PRKAG2: variants seen among roughly 807,000 people sequenced by gnomAD.
PRKAG2 encodes 5'-AMP-activated protein kinase subunit gamma-2.
Under a neutral mutation model 69.6 loss-of-function variants are expected in PRKAG2, and 26 were observed. The ratio of observed to expected loss-of-function variants is 0.37; its 90% CI spans 0.27 to 0.52. The LOEUF (loss-of-function observed/expected upper bound fraction) is 0.52, where lower values mean the gene tolerates loss of function less well. Among genes scored for constraint, PRKAG2 ranks in the 20% least tolerant of loss-of-function variants. PRKAG2 has a pLI of 0.90. For synonymous variants in PRKAG2, 293 were observed against 285.0 expected, an observed-to-expected ratio of 1.03 and a Z score of -0.28; for missense variants, 557 against 740.0, an observed-to-expected ratio of 0.75 and a Z score of 2.87.
At chr7:151,652,697 A>G (rs1392531291) in intron 4 of PRKAG2, among the ~76,000 whole-genome samples, 1 of 152,070 alleles carries the variant, frequency 6.6e-6, no homozygotes, top group Non-Finnish European at 1.5e-5. Context: ...GTACAATGGC[A>G]TGATCGGGCT....
At chr7:151,560,095 G>C (rs1340815225) in intron 15 of PRKAG2, 2 of 984,442 alleles carry the variant, frequency 2.0e-6, no homozygotes, top group African/African-American at 3.5e-5. Flanking sequence ...TTTGTGTTTA[G>C]GTATTCTGTT....
intron 3 of PRKAG2, among the ~76,000 whole-genome samples, chr7:151,747,761 C>T (rs2074384578): frequency 6.6e-6 from 1 of 152,132 alleles, no homozygotes; most frequent in African/African-American, 2.4e-5. Flanking sequence ...CATTCTACCA[C>T]TTGATTGTTC....
intron 1 of PRKAG2, among the ~76,000 whole-genome samples, chr7:151,816,955 T>C (rs1291307907): frequency 6.6e-6 from 1 of 151,894 alleles, no homozygotes; most frequent in Non-Finnish European, 1.5e-5. Context: ...CGTTTGAGAG[T>C]GACTTATGGG....
intron 3 of PRKAG2, among the ~76,000 whole-genome samples, chr7:151,698,279 A>G (rs1837034550): frequency 6.6e-6 from 1 of 152,184 alleles, no homozygotes; most frequent in Non-Finnish European, 1.5e-5. Context: ...GTGAGGCCTC[A>G]GCTGTCCCCA....
At chr7:151,616,357 C>A (rs1272488302) in intron 5 of PRKAG2, among the ~76,000 whole-genome samples, 1 of 148,398 alleles carries the variant, frequency 6.7e-6, no homozygotes, top group African/African-American at 2.6e-5. Flanking sequence ...TTAAACCCCT[C>A]TCTCTTTTAT....
chr7:151,867,740 G>C lies in PRKAG2; in HGVS notation c.114+8767C>G, dbSNP rs933115783. Among the ~76,000 whole-genome samples the C allele has an allele frequency of 6.6e-5, 10 of 152,324 alleles. No homozygotes were observed. The East Asian group carries it at 1.9e-3, about 29-fold the overall frequency. Reference sequence around the variant, plus strand: ...CAGCCCAGTCCCTGGAAAGCACACAGAAACGAGTTGACTGGTTTCTGGTCC... The same window carrying C: ...CAGCCCAGTCCCTGGAAAGCACACACAAACGAGTTGACTGGTTTCTGGTCC... On this transcript the variant is annotated intron_variant, in intron 1 of 15. Coordinates refer to ENST00000287878, the MANE Select transcript of PRKAG2 (RefSeq NM_016203.4).
At chr7:151,715,049 C>A (rs143797013) in intron 3 of PRKAG2, among the ~76,000 whole-genome samples, 1 of 145,736 alleles carries the variant, frequency 6.9e-6, no homozygotes, top group South Asian at 2.1e-4. Flanking sequence ...GAGTTTCGCT[C>A]TTGTTGCCCA....
chr7:151,832,386 C>T (rs1048393907), intron 1 of PRKAG2, among the ~76,000 whole-genome samples: 2 of 152,134 alleles, frequency 1.3e-5, no homozygotes, highest in Non-Finnish European at 2.9e-5. Flanking sequence ...GAAGCTCCGA[C>T]TTCTGGGCAG....
Position 151,807,661 on chromosome 7 carries a change from C to T in PRKAG2, c.115-21120G>A, listed in dbSNP as rs1247802784. 2 of 454,734 alleles carry T rather than the reference C, an allele frequency of 4.4e-6. No homozygotes were observed. The highest frequency in any genetic ancestry group is 2.4e-5 in the Admixed American group (1 of 42,490). The allele number at this position is 454,734 out of a possible 1,614,324, so 28.2% of individuals were successfully genotyped here. ...GTAAGTCCCAGCAGGGTGCGATGTC[C>T]CAAACCTACACAACCGTTTCCACTG... On this transcript the variant is annotated intron_variant, in intron 1 of 15. Transcript: ENST00000287878. The surrounding 1 kb of genome is among the most constrained non-coding windows in gnomAD (Gnocchi z 4.4).
chr7:151,605,224 C>G (rs1170065663), intron 5 of PRKAG2, among the ~76,000 whole-genome samples: 1 of 150,614 alleles, frequency 6.6e-6, no homozygotes, highest in Non-Finnish European at 1.5e-5. Flanking sequence ...ACCATGTTGG[C>G]CAGGCTGGTC....
chr7:151,610,731 T>C (rs1222853366), intron 5 of PRKAG2, among the ~76,000 whole-genome samples: 1 of 101,598 alleles, frequency 9.8e-6, no homozygotes, highest in South Asian at 4.5e-4. Flanking sequence ...ATAAATATTT[T>C]TTCTTTTCTT....
intron 3 of PRKAG2, among the ~76,000 whole-genome samples, chr7:151,730,672 G>A (rs1206861403): frequency 1.3e-5 from 2 of 151,982 alleles, no homozygotes; most frequent in African/African-American, 2.4e-5. Context: ...GAGCAGGGGG[G>A]CTGGATGGGG....
At chr7:151,644,015 T>C (rs1326716053) in intron 4 of PRKAG2, among the ~76,000 whole-genome samples, 1 of 152,172 alleles carries the variant, frequency 6.6e-6, no homozygotes. Context: ...CTCACTGATA[T>C]GTGGGAGCTA....
intron 1 of PRKAG2, among the ~76,000 whole-genome samples, chr7:151,871,924 G>A (rs901559618): frequency 6.6e-6 from 1 of 152,182 alleles, no homozygotes; most frequent in Non-Finnish European, 1.5e-5. Context: ...GGTCCGAGGA[G>A]GCCACCAAAT....
chr7:151,675,764 C>G lies in PRKAG2; in HGVS notation c.467-127G>C, dbSNP rs764160655. 143 of 904,214 alleles carry G rather than the reference C, an allele frequency of 1.6e-4. No individual in the cohort carries two copies. In the African/African-American group the frequency reaches 2.1e-3, roughly 13 times the overall value. The allele number at this position is 904,214 out of a possible 1,614,324, so 56.0% of individuals were successfully genotyped here. A position where few individuals can be genotyped will look rare whatever the true frequency, so the allele number is the denominator to read the frequency against. On this transcript the variant is annotated intron_variant, in intron 3 of 15. Transcript: ENST00000287878. ...CAGAGGTCCGGCCTCCAGGAAGGGA[C>G]GTCGGGGGCAGTCAGAGGTCCGGCC... is the stretch of plus-strand genomic sequence containing the variant.
intron 4 of PRKAG2, among the ~76,000 whole-genome samples, chr7:151,665,537 C>T (rs1830920248): frequency 6.6e-6 from 1 of 152,160 alleles, no homozygotes. Context: ...ACACACTCTG[C>T]CTGTCTCTTC....
chr7:151,765,267 C>T (rs959466816), intron 3 of PRKAG2, among the ~76,000 whole-genome samples: 15 of 152,166 alleles, frequency 9.9e-5, no homozygotes, highest in African/African-American at 3.4e-4. Context: ...GAAGCAGGCA[C>T]GTCTTACATG....
chr7:151,575,404 C>T (rs17715595), intron 7 of PRKAG2, among the ~76,000 whole-genome samples: 27,843 of 152,038 alleles, frequency 0.18, 2,838 homozygotes, highest in African/African-American at 0.26. Context: ...TGCTAGACAC[C>T]AGGATGATAC....
At chr7:151,732,064 C>T (rs1799025622) in intron 3 of PRKAG2, among the ~76,000 whole-genome samples, 2 of 150,932 alleles carry the variant, frequency 1.3e-5, no homozygotes, top group South Asian at 2.1e-4. Flanking sequence ...AACTCCTGGG[C>T]TCAAGCACTC....
Sources: gnomAD v4.1 joint callset for allele counts (sites outside exome capture counted in the v4.1 genomes callset) on GRCh38, gnomAD v4.1.1 for gene constraint, Gnocchi (gnomAD v3.1) non-coding constraint, MANE v1.5 for transcripts, NCBI Gene and HGNC (gene_info 2026-07-23, HGNC 2026-07-21) for gene names.